IL17RD: variants seen among roughly 807,000 people sequenced by gnomAD.
The protein encoded by IL17RD is interleukin-17 receptor D.
In IL17RD, 52 loss-of-function variants were observed where a neutral mutation model predicts 80.5. That is an observed-to-expected ratio of 0.65 (90% CI 0.52 to 0.81). IL17RD has a LOEUF of 0.81. IL17RD is among the 40% of genes least tolerant of loss of function. The pLI is 0.00. For missense variants in IL17RD, 1,024 were observed against 955.1 expected (o/e 1.07, Z -0.95); for synonymous variants, 416 against 391.8 (o/e 1.06, Z -0.73).
At chr3:57,104,846 C>T (rs1706915232) in intron 7 of IL17RD, among the ~76,000 whole-genome samples, 1 of 152,166 alleles carries the variant, frequency 6.6e-6, no homozygotes, top group South Asian at 2.1e-4. Context: ...CTGACATACA[C>T]AGGAGCATGT....
At chr3:57,110,991 C>T (rs1405890106) in intron 3 of IL17RD, among the ~76,000 whole-genome samples, 1 of 152,232 alleles carries the variant, frequency 6.6e-6, no homozygotes, top group Non-Finnish European at 1.5e-5. Context: ...CCTCCTGCCA[C>T]CTGAGCTCCC....
intron 1 of IL17RD, among the ~76,000 whole-genome samples, chr3:57,124,151 C>T (rs1707398601): frequency 6.6e-6 from 1 of 152,182 alleles, no homozygotes; most frequent in African/African-American, 2.4e-5. Flanking sequence ...TAGCTCAACG[C>T]CCAAATAATA....
chr3:57,109,616 C>T lies in IL17RD; in HGVS notation c.471G>A (p.Thr157=), dbSNP rs775086696. The T allele has an allele frequency of 3.3e-5, 54 of 1,612,780 alleles. No homozygotes were observed. Among genetic ancestry groups the T allele is most frequent in the East Asian group, 4.5e-5 (2 of 44,858 alleles). The change falls in exon 5 of 13, where the codon ACG becomes ACA. Residue 157 remains threonine (T), a synonymous_variant. Coordinates refer to ENST00000296318, the MANE Select transcript of IL17RD (RefSeq NM_017563.5). The part of the protein sequence containing the change: ...SQPFLNMKFE[T]DYFVKVVPFP... ...AAGGGACAACCTTTACGAAATAATC[C>T]GTTTCAAATTTCATATTCAGGAAAG...
intron 8 of IL17RD, 34 bp downstream of exon 8, chr3:57,104,308 T>C (rs1004338740): frequency 2.8e-6 from 4 of 1,443,236 alleles, no homozygotes; most frequent in African/African-American, 1.4e-5. Context: ...GTTCATTCTA[T>C]AGCATTAATA....
chr3:57,111,174 C>G (rs1238183518), intron 3 of IL17RD, among the ~76,000 whole-genome samples: 1 of 152,258 alleles, frequency 6.6e-6, no homozygotes. Flanking sequence ...TGAACATTTT[C>G]AACCCTTCCC....
intron 1 of IL17RD, among the ~76,000 whole-genome samples, chr3:57,130,559 C>A (rs1327860327): frequency 3.3e-5 from 5 of 152,076 alleles, no homozygotes; most frequent in Non-Finnish European, 5.9e-5. Flanking sequence ...CTGGCCTTTC[C>A]CAGAAGCTTT....
At chr3:57,103,237 C>A (rs1706878676) in intron 8 of IL17RD, 92 bp from the exon 9 acceptor site, 3 of 1,113,368 alleles carry the variant, frequency 2.7e-6, no homozygotes, top group African/African-American at 1.6e-5. Context: ...TCTTTTCCAT[C>A]AGTGGGCAGT....
intron 8 of IL17RD, among the ~76,000 whole-genome samples, chr3:57,103,360 C>CT (rs1324414914): frequency 1.3e-5 from 2 of 152,152 alleles, no homozygotes; most frequent in Non-Finnish European, 2.9e-5. Context: ...ACTCGAAACT[C>CT]TAAGTTCATC....
intron 1 of IL17RD, chr3:57,134,328 G>A: frequency 1.4e-6 from 1 of 691,372 alleles, no homozygotes; most frequent in Non-Finnish European, 2.7e-6. Context: ...TTGATGCCGG[G>A]AAAACACCTT....
chr3:57,098,097 T>G lies in IL17RD; in HGVS notation c.1606A>C (p.Ser536Arg). The G allele has an allele frequency of 6.2e-7, 1 of 1,613,896 alleles. No individual in the cohort carries two copies. The highest frequency in any genetic ancestry group is 2.2e-5 in the East Asian group (1 of 44,858). Residue 536 changes from serine to arginine, a missense_variant, in exon 12 of 13, where the codon AGC becomes CGC. Ser to Arg is a moderately radical substitution (Grantham distance 110, BLOSUM62 -1). Coordinates refer to ENST00000296318, the MANE Select transcript of IL17RD (RefSeq NM_017563.5). ...ACGTATAGGGACCGGCCTGACTTGCTCCGGAAGTAGTTCCTTCTGCTGCCC... is the reference window on the plus strand; with the variant it reads ...ACGTATAGGGACCGGCCTGACTTGCGCCGGAAGTAGTTCCTTCTGCTGCCC... ...RQGSRRNYFR[S>R]KSGRSLYVAI...
chr3:57,106,145 A>G lies in IL17RD; in HGVS notation c.560T>C (p.Leu187Pro). Residue 187 changes from leucine to proline, a missense_variant, in exon 6 of 13, where the codon CTG becomes CCG. Coordinates refer to ENST00000296318, the MANE Select transcript of IL17RD (RefSeq NM_017563.5). Reference protein sequence around the residue: ...PFFFRTRACDLLLQPDNLACK... With the variant: ...PFFFRTRACDPLLQPDNLACK... ...AGCTAGATTGTCCGGCTGTAACAAC[A>G]GGTCACAGGCTATTAAGAGAATAAA... The G allele has an allele frequency of 1.2e-6, 2 of 1,611,242 alleles. No individual in the cohort carries two copies. The highest frequency in any genetic ancestry group is 1.1e-5 in the South Asian group (1 of 90,776).
chr3:57,106,944 T>C (rs1202817672), intron 5 of IL17RD, among the ~76,000 whole-genome samples: 1 of 152,104 alleles, frequency 6.6e-6, no homozygotes, highest in Non-Finnish European at 1.5e-5. Flanking sequence ...ACGGGAAAAA[T>C]TCATCTTAAA....
rs1559477382 is a variant in IL17RD at position 57,127,395 on chromosome 3, A to ATAT, written c.127-7083_127-7082insATA. 2.7e-4 allele frequency among the ~76,000 whole-genome samples: 23 copies of ATAT among 86,606 alleles called. 4 individuals carry two copies. The highest frequency in any genetic ancestry group is 1.0e-3 in the African/African-American group (18 of 17,808). The allele number at this position is 86,606 out of a possible 152,430, so 56.8% of individuals were successfully genotyped here. On this transcript the variant is annotated intron_variant, in intron 1 of 12. Transcript: ENST00000296318. ...ATATATATAAATAAATAAATAAATA[A>ATAT]ATATATATATATATATATTTTTTTT...
At chr3:57,155,956 T>C (rs17235855) in intron 1 of IL17RD, among the ~76,000 whole-genome samples, 4,057 of 152,168 alleles carry the variant, frequency 0.027, 85 homozygotes, top group South Asian at 0.047. Flanking sequence ...CATTGGAGAG[T>C]GTCTACTTGC....
intron 1 of IL17RD, among the ~76,000 whole-genome samples, chr3:57,128,886 C>T (rs1437271372): frequency 6.6e-6 from 1 of 152,142 alleles, no homozygotes; most frequent in Admixed American, 6.6e-5. Context: ...AAAGCAAAAA[C>T]TCAAGTACTT....
chr3:57,092,161 T>C lies in IL17RD; in HGVS notation c.*4232A>G, dbSNP rs1298763617. On this transcript the variant is annotated 3_prime_UTR_variant, in exon 13 of 13. Transcript: ENST00000296318. ...CTGGCTCTAATGGACGCTAGGAGGT[T>C]CCTTGCCTTACTCTCTACAACTGCC... 1 of 152,684 alleles carries C rather than the reference T, an allele frequency of 6.5e-6. No individual in the cohort carries two copies. The highest frequency in any genetic ancestry group is 1.5e-5 in the Non-Finnish European group (1 of 68,052). The allele number at this position is 152,684 out of a possible 1,614,324, so 9.5% of individuals were successfully genotyped here. A position where few individuals can be genotyped will look rare whatever the true frequency, so the allele number is the denominator to read the frequency against.
At position 57,093,902 on chromosome 3, in the gene IL17RD, C is replaced by G. The variant is rs1706611516; in HGVS notation, c.*2491G>C. 1 of 152,212 alleles carries G rather than the reference C, an allele frequency of 6.6e-6. No individual in the cohort carries two copies. The highest frequency in any genetic ancestry group is 1.5e-5 in the Non-Finnish European group (1 of 68,050). The allele number at this position is 152,212 out of a possible 1,614,324, so 9.4% of individuals were successfully genotyped here. A position where few individuals can be genotyped will look rare whatever the true frequency, so the allele number is the denominator to read the frequency against. ...CAACTAGCACTCTACCTTCAGCTAC[C>G]CGCAGGCTTCTTGGTTTTCCTGGAA... On this transcript the variant is annotated 3_prime_UTR_variant, in exon 13 of 13. Coordinates refer to ENST00000296318, the MANE Select transcript of IL17RD (RefSeq NM_017563.5).
rs537941562 is a variant in IL17RD, at chr3:57,090,066, G to C, written c.*6327C>G. 3.9e-5 allele frequency: 6 copies of C among 152,758 alleles called. No individual in the cohort carries two copies. The highest frequency in any genetic ancestry group is 1.4e-4 in the African/African-American group (6 of 41,580). 9.5% of individuals were successfully genotyped at this position (152,758 alleles called of 1,614,324 possible). On this transcript the variant is annotated 3_prime_UTR_variant, in exon 13 of 13. Coordinates refer to ENST00000296318, the MANE Select transcript of IL17RD (RefSeq NM_017563.5). ...GTCAGCTGTGATCTACTTTCACCTA[G>C]TTACAGAGTTATGTACAAATCAAGT...
chr3:57,128,164 T>C (rs1390309077), intron 1 of IL17RD, among the ~76,000 whole-genome samples: 1 of 152,204 alleles, frequency 6.6e-6, no homozygotes, highest in Admixed American at 6.5e-5. Context: ...AGGTGAGGTC[T>C]TGGATGCGTA....
Sources: gnomAD v4.1 joint callset for allele counts (sites outside exome capture counted in the v4.1 genomes callset) on GRCh38, gnomAD v4.1.1 for gene constraint, MANE v1.5 for transcripts, NCBI Gene and HGNC (gene_info 2026-07-23, HGNC 2026-07-21) for gene names.